Variants in RGS12 observed in about 807,000 individuals in gnomAD.
RGS12 encodes regulator of G-protein signaling 12.
RGS12 carries 66 observed loss-of-function variants against 120.1 expected under a neutral mutation model. That is an observed-to-expected ratio of 0.55 (90% CI 0.45 to 0.67). The LOEUF (loss-of-function observed/expected upper bound fraction) is 0.67, where lower values mean the gene tolerates loss of function less well. Among genes scored for constraint, RGS12 ranks in the 30% least tolerant of loss-of-function variants. The pLI, the probability that RGS12 is intolerant of heterozygous loss-of-function variation, is 0.00. For synonymous variants in RGS12, 827 were observed against 804.7 expected (o/e 1.03, Z -0.47); for missense variants, 1,859 against 1,957.7 (o/e 0.95, Z 0.95).
intron 4 of RGS12, among the ~76,000 whole-genome samples, chr4:3,403,225 C>A (rs1265478010): frequency 6.6e-6 from 1 of 152,242 alleles, no homozygotes; most frequent in Non-Finnish European, 1.5e-5. Flanking sequence ...TTATAAATCA[C>A]ACGTTTCTAG....
intron 1 of RGS12, among the ~76,000 whole-genome samples, chr4:3,311,515 G>A (rs1724402362): frequency 6.6e-6 from 1 of 152,188 alleles, no homozygotes; most frequent in African/African-American, 2.4e-5. Context: ...AGGAGTGACA[G>A]TGCGGGTTGA....
intron 14 of RGS12, among the ~76,000 whole-genome samples, chr4:3,425,838 C>T (rs1208649637): frequency 1.2e-4 from 1 of 8,676 alleles, no homozygotes; most frequent in Non-Finnish European, 1.9e-4. Context: ...AGAGGGCGAG[C>T]GGGGCCAGTG....
the RGS12 span, among the ~76,000 whole-genome samples, chr4:3,287,517 C>T: frequency 2.5e-4 from 38 of 152,354 alleles, 1 homozygote; most frequent in African/African-American, 8.9e-4. Flanking sequence ...CTTCCTGATT[C>T]CTGAACCTGC....
At chr4:3,291,346 CTCT>C (rs1322876018), upstream of RGS12, among the ~76,000 whole-genome samples, 12 of 105,918 alleles carry the variant, frequency 1.1e-4, no homozygotes, top group East Asian at 1.6e-3. Flanking sequence ...TCTTTCCTGG[CTCT>C]TTTTTTTTTT....
intron 3 of RGS12, among the ~76,000 whole-genome samples, chr4:3,360,317 A>G (rs1485059578): frequency 6.6e-6 from 1 of 152,026 alleles, no homozygotes; most frequent in African/African-American, 2.4e-5. Context: ...AGAACCAACT[A>G]GGTTTTGTTA....
intron 2 of RGS12, among the ~76,000 whole-genome samples, chr4:3,327,672 T>C (rs547660071): frequency 4.6e-4 from 70 of 152,300 alleles, no homozygotes; most frequent in Non-Finnish European, 8.7e-4. Flanking sequence ...TGTGAGAAAA[T>C]GCCCAATATC....
intron 4 of RGS12, among the ~76,000 whole-genome samples, chr4:3,387,183 G>A (rs1043951295): frequency 1.3e-5 from 2 of 152,224 alleles, no homozygotes; most frequent in Admixed American, 6.5e-5. Context: ...GCTGGAATAG[G>A]TGCACCTGGC....
At chr4:3,414,963 C>T (rs546642095) in intron 6 of RGS12, 119 bp downstream of exon 6, 133 of 422,372 alleles carry the variant, frequency 3.1e-4, no homozygotes, top group Middle Eastern at 4.0e-4. Context: ...GTGTGAGGGG[C>T]GTGAGAGGGG....
intron 4 of RGS12, among the ~76,000 whole-genome samples, chr4:3,396,039 A>G (rs149950767): frequency 2.6e-4 from 40 of 152,290 alleles, no homozygotes; most frequent in African/African-American, 9.1e-4. Flanking sequence ...CAGTTGTTAT[A>G]CTATATTGTT....
rs570210321 is a variant in RGS12 at position 3,430,648 on chromosome 4, C to G, written c.3807C>G (p.Asp1269Glu). Reference sequence around the variant, plus strand: ...GGGAGCCAGTCCAGGAGAGCAGCGACAGCCCGTCCACCAGCCCGGGCTCAG... The same window carrying G: ...GGGAGCCAGTCCAGGAGAGCAGCGAGAGCCCGTCCACCAGCCCGGGCTCAG... Reference protein sequence around the residue: ...EQWEPVQESSDSPSTSPGSAS... With the variant: ...EQWEPVQESSESPSTSPGSAS... Residue 1269 changes from aspartate (D) to glutamate (E), a missense_variant, in exon 17 of 18, where the codon GAC becomes GAG. Transcript: ENST00000336727. 6.3e-7 allele frequency: 1 copy of G among 1,598,628 alleles called. No homozygotes were observed. The highest frequency in any genetic ancestry group is 8.5e-7 in the Non-Finnish European group (1 of 1,171,966).
At chr4:3,287,913 C>T in the RGS12 span, among the ~76,000 whole-genome samples, 1 of 152,170 alleles carries the variant, frequency 6.6e-6, no homozygotes, top group Non-Finnish European at 1.5e-5. Flanking sequence ...CTCCCCCAAA[C>T]TCACCGGGCC....
chr4:3,314,327 A>G (rs1724596466), intron 1 of RGS12: 1 of 152,144 alleles, frequency 6.6e-6, no homozygotes, highest in Non-Finnish European at 1.5e-5. Flanking sequence ...TTATGATCCT[A>G]TTGCTGGAAA....
At chr4:3,351,574 T>C (rs1388882478) in intron 3 of RGS12, among the ~76,000 whole-genome samples, 1 of 152,148 alleles carries the variant, frequency 6.6e-6, no homozygotes, top group African/African-American at 2.4e-5. Context: ...AAGAAAATCT[T>C]AGTTTCCATA....
intron 4 of RGS12, among the ~76,000 whole-genome samples, chr4:3,409,215 C>T (rs1721473844): frequency 6.6e-6 from 1 of 152,214 alleles, no homozygotes; most frequent in Admixed American, 6.5e-5. Context: ...TACACAGCAT[C>T]TGCCTCTGCA....
chr4:3,349,979 G>A (rs746815483), intron 3 of RGS12, among the ~76,000 whole-genome samples: 2 of 152,120 alleles, frequency 1.3e-5, no homozygotes, highest in African/African-American at 2.4e-5. Flanking sequence ...CTACGTTTAT[G>A]TACTTTATTT....
intron 4 of RGS12, among the ~76,000 whole-genome samples, chr4:3,396,381 C>G (rs779529022): frequency 6.6e-6 from 1 of 152,210 alleles, no homozygotes; most frequent in Non-Finnish European, 1.5e-5. Flanking sequence ...TTCCCAAGAC[C>G]ATGAAAGTAA....
At chr4:3,322,836 G>C (rs1725288628) in intron 2 of RGS12, among the ~76,000 whole-genome samples, 2 of 152,320 alleles carry the variant, frequency 1.3e-5, no homozygotes, top group Non-Finnish European at 2.9e-5. Flanking sequence ...TCAGTCGTTT[G>C]TAGGTACTCC....
intron 3 of RGS12, among the ~76,000 whole-genome samples, chr4:3,361,023 G>C (rs1021952625): frequency 7.2e-5 from 11 of 152,232 alleles, no homozygotes; most frequent in African/African-American, 2.4e-4. Context: ...GAAGCAGCCT[G>C]ACTGCCCACC....
chr4:3,373,455 T>G (rs1717267708), intron 3 of RGS12, among the ~76,000 whole-genome samples: 1 of 152,218 alleles, frequency 6.6e-6, no homozygotes, highest in African/African-American at 2.4e-5. Flanking sequence ...TTTCTGAGTC[T>G]CTGTAGCATG....
Sources: allele counts gnomAD v4.1 joint callset (sites outside exome capture counted in the v4.1 genomes callset), GRCh38; gene constraint gnomAD v4.1.1; transcripts MANE v1.5; gene names NCBI Gene and HGNC (gene_info 2026-07-23, HGNC 2026-07-21).